The following MAMLD1 variants were observed in gnomAD, a reference collection of about 807,000 sequenced individuals.
MAMLD1 encodes mastermind-like domain-containing protein 1.
A neutral mutation model predicts 45.0 loss-of-function variants in MAMLD1; 14 were observed. The ratio of observed to expected loss-of-function variants is 0.31; its 90% CI spans 0.21 to 0.49. The LOEUF (loss-of-function observed/expected upper bound fraction) is 0.49, where lower values mean the gene tolerates loss of function less well. MAMLD1 is among the 20% of genes least tolerant of loss of function. The pLI, the probability that MAMLD1 is intolerant of heterozygous loss-of-function variation, is 0.99. For synonymous variants in MAMLD1, 254 were observed against 247.8 expected (o/e 1.02, Z -0.24); for missense variants, 543 against 603.6 (o/e 0.90, Z 1.05).
chrX:150,456,234 G>A (rs782406684), intron 2 of MAMLD1, among the ~76,000 whole-genome samples: 4 of 110,431 alleles, frequency 3.6e-5, no homozygotes, highest in South Asian at 8.0e-4. Flanking sequence ...GTTCTTGGGG[G>A]TTCTGTTACC....
intron 5 of MAMLD1, among the ~76,000 whole-genome samples, chrX:150,487,284 T>C (rs943225477): frequency 3.6e-5 from 4 of 112,527 alleles, no homozygotes; most frequent in African/African-American, 1.3e-4. Context: ...AACTCTACTG[T>C]GTGAACAACT....
chrX:150,398,190 G>A lies in MAMLD1; in HGVS notation c.-64+34660G>A, dbSNP rs965900201. 1.1e-4 allele frequency among the ~76,000 whole-genome samples: 11 copies of A among 104,153 alleles called. No homozygotes were observed. The Admixed American group carries it at 1.2e-3, about 11-fold the overall frequency. The allele number at this position is 104,153 out of a possible 115,157, so 90.4% of individuals were successfully genotyped here. ...ATCGCATTTTGTGATGCTGGCCCCA[G>A]CCTACATCTACCACTTCATGGCTTA... On this transcript the variant is annotated intron_variant, in intron 1 of 7. Transcript: ENST00000370401.
At chrX:150,402,938 A>C (rs987456846) in intron 1 of MAMLD1, among the ~76,000 whole-genome samples, 19 of 110,292 alleles carry the variant, frequency 1.7e-4, no homozygotes, top group African/African-American at 6.0e-4. Flanking sequence ...GGGGGGAGGA[A>C]GGAGGGATGG....
chrX:150,449,599 C>G (rs782211430), intron 2 of MAMLD1, among the ~76,000 whole-genome samples: 1 of 111,469 alleles, frequency 9.0e-6, no homozygotes, highest in South Asian at 3.9e-4. Context: ...TCCTCAGACT[C>G]GATTCAGGGT....
chrX:150,425,082 T>C (rs781785297), intron 1 of MAMLD1, among the ~76,000 whole-genome samples: 3 of 112,399 alleles, frequency 2.7e-5, no homozygotes, highest in African/African-American at 6.5e-5. Context: ...TTCATTCTTT[T>C]TTATGGATGA....
At chrX:150,365,756 C>T (rs1174979667) in intron 1 of MAMLD1, among the ~76,000 whole-genome samples, 1 of 112,726 alleles carries the variant, frequency 8.9e-6, no homozygotes, top group East Asian at 2.8e-4. Context: ...GCAGTGGGAG[C>T]CGCCACCTCC....
intron 1 of MAMLD1, among the ~76,000 whole-genome samples, chrX:150,373,713 C>T: frequency 8.9e-6 from 1 of 111,875 alleles, no homozygotes; most frequent in Non-Finnish European, 1.9e-5. Flanking sequence ...TCCTGCTTCT[C>T]ACACCCCCTC....
intron 2 of MAMLD1, among the ~76,000 whole-genome samples, chrX:150,450,975 G>A (rs2035645271): frequency 1.8e-5 from 2 of 112,794 alleles, no homozygotes; most frequent in African/African-American, 3.2e-5. Context: ...CACCCAACTG[G>A]GGTGAGAAGC....
intron 1 of MAMLD1, among the ~76,000 whole-genome samples, chrX:150,402,907 C>T (rs1013056995): frequency 9.1e-6 from 1 of 110,140 alleles, no homozygotes; most frequent in Non-Finnish European, 1.9e-5. Flanking sequence ...GAACATCACA[C>T]TCTGGGGACT....
rs782323692 is a variant in MAMLD1 at position 150,470,594 on chromosome X, C to T, written c.1021C>T (p.Arg341Cys). ...LPPPGLSPPY[R>C]PVPSPHPPPL... Reference sequence around the variant, plus strand: ...TCCTCCAGGACTCTCTCCACCTTACCGCCCAGTGCCATCACCACACCCACC... The same window carrying T: ...TCCTCCAGGACTCTCTCCACCTTACTGCCCAGTGCCATCACCACACCCACC... Residue 341 changes from arginine (R) to cysteine (C), a missense_variant, in exon 4 of 8, where the codon CGC (arginine) becomes TGC (cysteine). By Grantham distance (180) the Arg-to-Cys change is radical (BLOSUM62 -3). Coordinates refer to ENST00000370401, the MANE Select transcript of MAMLD1 (RefSeq NM_005491.5). 32 of 1,209,872 alleles carry T rather than the reference C, an allele frequency of 2.6e-5. No homozygotes were observed. The highest frequency in any genetic ancestry group is 2.3e-4 in the Middle Eastern group (1 of 4,347).
At chrX:150,506,390 A>C (rs923898113) in intron 6 of MAMLD1, among the ~76,000 whole-genome samples, 1 of 95,851 alleles carries the variant, frequency 1.0e-5, no homozygotes, top group East Asian at 3.2e-4. Flanking sequence ...TCTCCCTCTC[A>C]GTCTCCCCTT....
intron 1 of MAMLD1, among the ~76,000 whole-genome samples, chrX:150,391,175 T>G (rs1171372264): frequency 8.9e-6 from 1 of 112,103 alleles, no homozygotes; most frequent in Non-Finnish European, 1.9e-5. Flanking sequence ...TTTAGATCCC[T>G]CAGATTCTTT....
intron 1 of MAMLD1, among the ~76,000 whole-genome samples, chrX:150,437,530 T>C (rs2035161167): frequency 1.8e-5 from 2 of 111,951 alleles, no homozygotes; most frequent in Non-Finnish European, 3.8e-5. Flanking sequence ...AAATATTCTT[T>C]ATCAAGTTAA....
intron 1 of MAMLD1, among the ~76,000 whole-genome samples, chrX:150,382,905 T>A (rs2032715007): frequency 2.0e-5 from 1 of 49,974 alleles, no homozygotes; most frequent in Non-Finnish European, 3.4e-5. Context: ...TTTTTTATTT[T>A]TTATTTTTTT....
At position 150,406,830 on chromosome X, in the gene MAMLD1, A is replaced by G. The variant is rs1413943; in HGVS notation, c.-63-38624A>G. 5.0e-3 allele frequency among the ~76,000 whole-genome samples: 556 copies of G among 110,218 alleles called. 2 individuals are homozygous for G. Among genetic ancestry groups the G allele is most frequent in the African/African-American group, 0.018 (537 of 30,292 alleles). On this transcript the variant is annotated intron_variant, in intron 1 of 7. Coordinates refer to ENST00000370401, the MANE Select transcript of MAMLD1 (RefSeq NM_005491.5). The stretch of plus-strand genomic sequence containing the variant: ...CTCCTTCATTTGCGCTCTCCACTTC[A>G]TTTTCATCTCTGAAAGCTTCTTCTC...
At chrX:150,506,531 T>C (rs1440025710) in intron 6 of MAMLD1, among the ~76,000 whole-genome samples, 2 of 111,821 alleles carry the variant, frequency 1.8e-5, no homozygotes, top group African/African-American at 3.3e-5. Flanking sequence ...CAAGGGCTCA[T>C]AGGGCAAGGA....
chrX:150,450,567 ACT>A (rs2035629550), intron 2 of MAMLD1, among the ~76,000 whole-genome samples: 1 of 111,004 alleles, frequency 9.0e-6, no homozygotes, highest in African/African-American at 3.3e-5. Flanking sequence ...AGGGTTAATA[ACT>A]CTGCTCTTTG....
At chrX:150,442,871 T>A (rs1292728915) in intron 1 of MAMLD1, among the ~76,000 whole-genome samples, 2 of 112,001 alleles carry the variant, frequency 1.8e-5, no homozygotes, top group East Asian at 2.8e-4. Context: ...TGTCTCTTGA[T>A]CTGAGAATGT....
chrX:150,455,947 G>A (rs1482617169), intron 2 of MAMLD1, among the ~76,000 whole-genome samples: 2 of 110,699 alleles, frequency 1.8e-5, no homozygotes, highest in Non-Finnish European at 3.8e-5. Context: ...GTATATCATA[G>A]AAACTACAAT....
Sources: gnomAD v4.1 joint callset for allele counts (sites outside exome capture counted in the v4.1 genomes callset) on GRCh38, gnomAD v4.1.1 for gene constraint, MANE v1.5 for transcripts, NCBI Gene and HGNC (gene_info 2026-07-23, HGNC 2026-07-21) for gene names.